The following PPFIA2 variants were observed in gnomAD, a reference collection of about 807,000 sequenced individuals.
The protein encoded by PPFIA2 is liprin-alpha-2.
A neutral mutation model predicts 175.5 loss-of-function variants in PPFIA2; 46 were observed. The observed-to-expected ratio is 0.26, with a 90% confidence interval of 0.21 to 0.34. The LOEUF is 0.34. PPFIA2 is among the 10% of genes least tolerant of loss of function. The pLI is 1.00. For synonymous variants in PPFIA2, 568 were observed against 511.4 expected, an observed-to-expected ratio of 1.11 and a Z score of -1.49; for missense variants, 1,179 against 1,506.1, an observed-to-expected ratio of 0.78 and a Z score of 3.60.
intron 22 of PPFIA2, among the ~76,000 whole-genome samples, chr12:81,318,633 A>G (rs1032187347): frequency 2.6e-5 from 4 of 151,758 alleles, no homozygotes; most frequent in Non-Finnish European, 4.4e-5. Context: ...ATCATGTGTG[A>G]AAGTGCTGGG....
intron 4 of PPFIA2, among the ~76,000 whole-genome samples, chr12:81,515,087 G>T (rs536361843): frequency 6.6e-6 from 1 of 151,876 alleles, no homozygotes. Flanking sequence ...TCACTGGTTT[G>T]CTTTGGTATT....
At chr12:81,485,803 T>C (rs917604721) in intron 4 of PPFIA2, among the ~76,000 whole-genome samples, 7 of 151,856 alleles carry the variant, frequency 4.6e-5, no homozygotes, top group African/African-American at 1.4e-4. Flanking sequence ...CTGCAAATAA[T>C]TTGACACCCT....
rs1173180908 is a variant in PPFIA2 at position 81,642,703 on chromosome 12, T to TGTATATATTATATACACAC, written c.303+34087_303+34088insGTGTGTATATAATATATAC. Among the ~76,000 whole-genome samples, 3 of 13,928 alleles carry TGTATATATTATATACACAC rather than the reference T, an allele frequency of 2.2e-4. 1 individual carries two copies. The highest frequency in any genetic ancestry group is 1.0e-3 in the Admixed American group (1 of 984). 9.1% of individuals were successfully genotyped at this position (13,928 alleles called of 152,430 possible). ...TGTATCTATTATATACATACATGTATATGTATGTATGTATTATATACATAC... is the reference window on the plus strand; with the variant it reads ...TGTATCTATTATATACATACATGTATGTATATATTATATACACACATGTATGTATGTATTATATACATAC... On this transcript the variant is annotated intron_variant, in intron 4 of 32. Coordinates refer to ENST00000549396, the MANE Select transcript of PPFIA2 (RefSeq NM_003625.5).
At chr12:81,574,363 T>A (rs1020295502) in intron 4 of PPFIA2, among the ~76,000 whole-genome samples, 1 of 151,866 alleles carries the variant, frequency 6.6e-6, no homozygotes, top group Non-Finnish European at 1.5e-5. Flanking sequence ...CATGAAACAT[T>A]ATTGACATTC....
intron 4 of PPFIA2, among the ~76,000 whole-genome samples, chr12:81,584,455 C>G (rs1319817413): frequency 6.6e-6 from 1 of 151,578 alleles, no homozygotes; most frequent in Non-Finnish European, 1.5e-5. Context: ...TTAAAAAGAG[C>G]AGAATAATAA....
At chr12:81,396,570 A>G (rs1308030746) in intron 8 of PPFIA2, among the ~76,000 whole-genome samples, 1 of 152,008 alleles carries the variant, frequency 6.6e-6, no homozygotes, top group Non-Finnish European at 1.5e-5. Context: ...GCCTTGTGTA[A>G]GTGGAAAGAA....
intron 4 of PPFIA2, among the ~76,000 whole-genome samples, chr12:81,561,628 T>G (rs1015827555): frequency 3.3e-5 from 5 of 152,202 alleles, no homozygotes; most frequent in Non-Finnish European, 7.4e-5. Flanking sequence ...AATTTTATAT[T>G]CTCTGGAGTG....
At chr12:81,721,813 C>A (rs1166788269) in intron 3 of PPFIA2, among the ~76,000 whole-genome samples, 4 of 150,914 alleles carry the variant, frequency 2.7e-5, no homozygotes, top group Non-Finnish European at 5.9e-5. Context: ...TTTGTTTGAT[C>A]TGGGATAAAA....
At chr12:81,285,754 A>G (rs1035849676) in intron 24 of PPFIA2, among the ~76,000 whole-genome samples, 2 of 152,048 alleles carry the variant, frequency 1.3e-5, no homozygotes, top group Non-Finnish European at 1.5e-5. Flanking sequence ...GCAGCCCATA[A>G]CCCTTGATAA....
At chr12:81,743,835 T>C (rs969648716) in intron 3 of PPFIA2, among the ~76,000 whole-genome samples, 4 of 152,234 alleles carry the variant, frequency 2.6e-5, no homozygotes, top group Admixed American at 6.5e-5. Flanking sequence ...CTAGAAACCA[T>C]AATTGACAAG....
chr12:81,691,446 T>C (rs2075232435), intron 3 of PPFIA2, among the ~76,000 whole-genome samples: 1 of 152,176 alleles, frequency 6.6e-6, no homozygotes, highest in South Asian at 2.1e-4. Context: ...GGGAGGACTC[T>C]GCCTTAAAGT....
chr12:81,417,061 C>T (rs548694539), intron 7 of PPFIA2, among the ~76,000 whole-genome samples: 2 of 151,880 alleles, frequency 1.3e-5, no homozygotes, highest in African/African-American at 4.8e-5. Context: ...TGAGCAAACA[C>T]TGTTAATAGT....
chr12:81,538,104 T>C (rs2065671688), intron 4 of PPFIA2, among the ~76,000 whole-genome samples: 1 of 151,934 alleles, frequency 6.6e-6, no homozygotes, highest in Non-Finnish European at 1.5e-5. Context: ...CCCACTAGGC[T>C]GTAATGTTAG....
intron 7 of PPFIA2, among the ~76,000 whole-genome samples, chr12:81,436,043 C>T (rs956761112): frequency 6.6e-6 from 1 of 151,560 alleles, no homozygotes; most frequent in Non-Finnish European, 1.5e-5. Context: ...TTTGGGAGGC[C>T]GAGTTGGGCA....
chr12:81,264,335 T>C (rs776243881), intron 30 of PPFIA2, among the ~76,000 whole-genome samples: 10 of 152,224 alleles, frequency 6.6e-5, no homozygotes, highest in Non-Finnish European at 1.3e-4. Context: ...GACATAATTA[T>C]TTTCCTCCAA....
chr12:81,591,405 G>A (rs139014772), intron 4 of PPFIA2, among the ~76,000 whole-genome samples: 46 of 152,240 alleles, frequency 3.0e-4, no homozygotes, highest in Admixed American at 1.7e-3. Flanking sequence ...AATTCAAGCC[G>A]GCTGCAGGAA....
chr12:81,469,248 A>G (rs1226546741), intron 4 of PPFIA2, among the ~76,000 whole-genome samples: 1 of 152,198 alleles, frequency 6.6e-6, no homozygotes, highest in Non-Finnish European at 1.5e-5. Context: ...CAAATTTTAA[A>G]AACTGACACT....
At chr12:81,377,178 A>G (rs1041708866) in intron 9 of PPFIA2, among the ~76,000 whole-genome samples, 1 of 152,132 alleles carries the variant, frequency 6.6e-6, no homozygotes, top group Non-Finnish European at 1.5e-5. Flanking sequence ...GTGTTTATAC[A>G]TGTACCATAT....
intron 4 of PPFIA2, chr12:81,597,933 C>G (rs1361812000): frequency 6.5e-7 from 1 of 1,533,430 alleles, no homozygotes; most frequent in South Asian, 1.2e-5. Flanking sequence ...AGTAGTGAAG[C>G]CATTTAAAGC....
Sources: gnomAD v4.1 joint callset for allele counts (sites outside exome capture counted in the v4.1 genomes callset) on GRCh38, gnomAD v4.1.1 for gene constraint, MANE v1.5 for transcripts, NCBI Gene and HGNC (gene_info 2026-07-23, HGNC 2026-07-21) for gene names.